The following GPBP1 variants were observed in gnomAD, a reference collection of about 807,000 sequenced individuals.
GPBP1 encodes GC-rich promoter binding protein 1.
GPBP1 carries 13 observed loss-of-function variants against 56.5 expected under a neutral mutation model. The observed-to-expected ratio is 0.23, with a 90% CI of 0.15 to 0.37. The LOEUF is 0.37. GPBP1 is among the 10% of genes least tolerant of loss of function. GPBP1 has a pLI of 1.00. For synonymous variants in GPBP1, 204 were observed against 188.9 expected (o/e 1.08, Z -0.66); for missense variants, 477 against 572.3 (o/e 0.83, Z 1.70).
At chr5:57,231,663 A>G (rs916276703) in intron 5 of GPBP1, among the ~76,000 whole-genome samples, 1 of 152,214 alleles carries the variant, frequency 6.6e-6, no homozygotes, top group African/African-American at 2.4e-5. Flanking sequence ...ATATTTATCT[A>G]GTTCTTGCGA....
At chr5:57,242,078 G>T (rs1482715642) in intron 6 of GPBP1, among the ~76,000 whole-genome samples, 1 of 152,158 alleles carries the variant, frequency 6.6e-6, no homozygotes, top group Non-Finnish European at 1.5e-5. Context: ...AAATGAGCAG[G>T]TTTATGTCGA....
At chr5:57,187,036 G>GTA (rs1235894400) in intron 2 of GPBP1, among the ~76,000 whole-genome samples, 13 of 141,456 alleles carry the variant, frequency 9.2e-5, no homozygotes, top group African/African-American at 3.2e-4. Flanking sequence ...GTGTGTGTGT[G>GTA]TGTATGTATG....
intron 8 of GPBP1, among the ~76,000 whole-genome samples, chr5:57,248,442 TTTTGAGACG>T (rs1317118331): frequency 7.7e-6 from 1 of 129,474 alleles, no homozygotes; most frequent in Non-Finnish European, 1.7e-5. Flanking sequence ...TTTTTTTTTT[TTTTGAGACG>T]GAGTCTCGCT....
intron 2 of GPBP1, 133 bp from the exon 3 acceptor site, chr5:57,213,941 A>C (rs748711284): frequency 7.4e-6 from 4 of 543,188 alleles, no homozygotes; most frequent in Non-Finnish European, 1.3e-5. Context: ...TTCTATCTCT[A>C]TAGTTTTGTC....
intron 3 of GPBP1, among the ~76,000 whole-genome samples, chr5:57,214,866 T>C (rs1468989933): frequency 6.6e-6 from 1 of 152,198 alleles, no homozygotes; most frequent in Non-Finnish European, 1.5e-5. Context: ...TTTGCCATGT[T>C]GGCTAGGCTG....
intron 2 of GPBP1, among the ~76,000 whole-genome samples, chr5:57,182,759 C>G (rs1222225825): frequency 6.6e-6 from 1 of 152,158 alleles, no homozygotes. Flanking sequence ...TCACGGCTCA[C>G]TGCCATCTCG....
chr5:57,232,972 A>C (rs1756523393), intron 5 of GPBP1, among the ~76,000 whole-genome samples: 1 of 152,202 alleles, frequency 6.6e-6, no homozygotes, highest in African/African-American at 2.4e-5. Flanking sequence ...GAGAGAGAGG[A>C]AAGGATTTAA....
At chr5:57,237,194 T>G in intron 6 of GPBP1, 1 of 1,491,168 alleles carries the variant, frequency 6.7e-7, no homozygotes, top group Middle Eastern at 1.7e-4. Context: ...TATTATTCAG[T>G]TTTTCTGGGA....
chr5:57,196,781 T>A (rs1754784839), intron 2 of GPBP1, among the ~76,000 whole-genome samples: 1 of 151,922 alleles, frequency 6.6e-6, no homozygotes, highest in African/African-American at 2.4e-5. Context: ...TTTATTTTAT[T>A]ATCATTATTA....
At chr5:57,209,941 TA>T (rs1755401848) in intron 2 of GPBP1, among the ~76,000 whole-genome samples, 1 of 152,328 alleles carries the variant, frequency 6.6e-6, no homozygotes, top group South Asian at 2.1e-4. Flanking sequence ...TAGAATTCCT[TA>T]GCTATTGGTT....
At chr5:57,232,953 A>C (rs1756522307) in intron 5 of GPBP1, among the ~76,000 whole-genome samples, 1 of 152,218 alleles carries the variant, frequency 6.6e-6, no homozygotes, top group Admixed American at 6.5e-5. Flanking sequence ...TTAGTATTAG[A>C]CAAGGTTAGA....
chr5:57,184,057 C>T (rs560277917), intron 2 of GPBP1, among the ~76,000 whole-genome samples: 1 of 152,042 alleles, frequency 6.6e-6, no homozygotes. Flanking sequence ...CATGGTGAAA[C>T]CCTGTCTTTA....
At chr5:57,191,701 A>G (rs1211500206) in intron 2 of GPBP1, among the ~76,000 whole-genome samples, 1 of 151,980 alleles carries the variant, frequency 6.6e-6, no homozygotes, top group African/African-American at 2.4e-5. Flanking sequence ...AGCTGGGACT[A>G]CAGATGCGCA....
intron 2 of GPBP1, among the ~76,000 whole-genome samples, chr5:57,194,404 T>A (rs1754659755): frequency 6.6e-6 from 1 of 152,196 alleles, no homozygotes; most frequent in Non-Finnish European, 1.5e-5. Context: ...ATATTTCTAC[T>A]TATGGATGAA....
intron 3 of GPBP1, among the ~76,000 whole-genome samples, chr5:57,227,954 T>TA (rs1415116492): frequency 6.6e-6 from 1 of 152,020 alleles, no homozygotes; most frequent in Non-Finnish European, 1.5e-5. Flanking sequence ...ACTGTCCGTA[T>TA]AAAAAAATCC....
intron 6 of GPBP1, among the ~76,000 whole-genome samples, chr5:57,240,499 C>G (rs1740774695): frequency 6.6e-6 from 1 of 152,072 alleles, no homozygotes; most frequent in Non-Finnish European, 1.5e-5. Context: ...AAATATCTGC[C>G]ACAGGAACAA....
chr5:57,226,057 A>T (rs1756174215), intron 3 of GPBP1, among the ~76,000 whole-genome samples: 1 of 152,262 alleles, frequency 6.6e-6, no homozygotes, highest in Non-Finnish European at 1.5e-5. Flanking sequence ...ATCAAGTTTA[A>T]CAACAGATCT....
At chr5:57,198,841 C>T (rs572319414) in intron 2 of GPBP1, among the ~76,000 whole-genome samples, 2 of 152,224 alleles carry the variant, frequency 1.3e-5, no homozygotes, top group South Asian at 4.1e-4. Context: ...TTATTTAACT[C>T]TTTTTGGTAC....
At chr5:57,179,145 A>G (rs975804366) in intron 2 of GPBP1, among the ~76,000 whole-genome samples, 1 of 152,210 alleles carries the variant, frequency 6.6e-6, no homozygotes, top group African/African-American at 2.4e-5. Flanking sequence ...ACTATGCCAT[A>G]CTTACACTGC....
Sources: allele counts gnomAD v4.1 joint callset (sites outside exome capture counted in the v4.1 genomes callset), GRCh38; gene constraint gnomAD v4.1.1; transcripts MANE v1.5; gene names NCBI Gene and HGNC (gene_info 2026-07-23, HGNC 2026-07-21).